TENM4: variants seen among roughly 807,000 people sequenced by gnomAD.
TENM4 encodes teneurin-4.
In TENM4, 82 loss-of-function variants were observed where a neutral mutation model predicts 243.3. The observed-to-expected ratio is 0.34, with a 90% CI of 0.28 to 0.40. The LOEUF (loss-of-function observed/expected upper bound fraction) is 0.40, where lower values mean the gene tolerates loss of function less well. Among genes scored for constraint, TENM4 ranks in the 10% least tolerant of loss-of-function variants. The pLI is 1.00. For missense variants in TENM4, 3,138 were observed against 3,673.3 expected (o/e 0.85, Z 3.77); for synonymous variants, 1,412 against 1,456.3 (o/e 0.97, Z 0.69).
intron 6 of TENM4, among the ~76,000 whole-genome samples, chr11:79,051,837 C>T (rs1859801127): frequency 6.6e-6 from 1 of 152,194 alleles, no homozygotes; most frequent in African/African-American, 2.4e-5. Flanking sequence ...GTGTTCTCAG[C>T]ATTCAGCTCC....
At chr11:79,251,979 G>C (rs1855618838) in intron 2 of TENM4, among the ~76,000 whole-genome samples, 1 of 152,120 alleles carries the variant, frequency 6.6e-6, no homozygotes, top group African/African-American at 2.4e-5. Context: ...CAAAACAAAA[G>C]AGGGCAAATC....
chr11:79,218,195 A>G (rs1864089367), intron 2 of TENM4, among the ~76,000 whole-genome samples: 1 of 151,848 alleles, frequency 6.6e-6, no homozygotes, highest in Non-Finnish European at 1.5e-5. Flanking sequence ...TTTAATTTTT[A>G]TTACCCTGCC....
intron 7 of TENM4, among the ~76,000 whole-genome samples, chr11:78,897,993 C>T (rs987822153): frequency 2.0e-5 from 3 of 152,206 alleles, no homozygotes; most frequent in Non-Finnish European, 2.9e-5. Flanking sequence ...CCAACAGGAA[C>T]CTGATGGGTT....
In TENM4 at chr11:79,139,030, T is replaced by C. The variant is rs1427547218; in HGVS notation, c.-66+9680A>G. Among the ~76,000 whole-genome samples the C allele has an allele frequency of 1.7e-3, 61 of 35,280 alleles. 9 individuals carry two copies. The highest frequency in any genetic ancestry group is 0.062 in the Middle Eastern group (2 of 32). 23.1% of individuals were successfully genotyped at this position (35,280 alleles called of 152,430 possible). A position where few individuals can be genotyped will look rare whatever the true frequency, so the allele number is the denominator to read the frequency against. ...ATATTATATTTCTATAAATATATAT[T>C]ATATTTCTATAAATATATAAAATAT... is the stretch of plus-strand genomic sequence containing the variant. On this transcript the variant is annotated intron_variant, in intron 4 of 33. Transcript: ENST00000278550.
intron 5 of TENM4, among the ~76,000 whole-genome samples, chr11:79,066,135 G>A (rs1445444915): frequency 6.6e-6 from 1 of 152,202 alleles, no homozygotes; most frequent in Non-Finnish European, 1.5e-5. Context: ...TGGCGGGTAG[G>A]AGAGACACAA....
At chr11:79,032,031 C>A (rs900005061) in intron 6 of TENM4, among the ~76,000 whole-genome samples, 1 of 152,172 alleles carries the variant, frequency 6.6e-6, no homozygotes, top group African/African-American at 2.4e-5. Context: ...TACCACTGCT[C>A]CCTTGATCCT....
intron 6 of TENM4, among the ~76,000 whole-genome samples, chr11:78,987,748 T>C (rs972418208): frequency 6.6e-6 from 1 of 152,230 alleles, no homozygotes; most frequent in African/African-American, 2.4e-5. Flanking sequence ...CCACTTTCTA[T>C]CTTGTAGGCA....
At chr11:79,327,745 AGAAATCTAAGTCCAGT>A (rs1442678871) in intron 1 of TENM4, among the ~76,000 whole-genome samples, 2 of 151,912 alleles carry the variant, frequency 1.3e-5, no homozygotes, top group African/African-American at 2.4e-5. Flanking sequence ...AGTGGCGAAA[AGAAATCTAAGTCCAGT>A]GATCTGAATC....
chr11:78,937,259 T>A (rs1382540154), intron 6 of TENM4, among the ~76,000 whole-genome samples: 1 of 152,166 alleles, frequency 6.6e-6, no homozygotes, highest in Non-Finnish European at 1.5e-5. Flanking sequence ...TGGTTTCTAG[T>A]TTGCAGGATA....
chr11:79,401,570 A>T (rs1245327757), intron 1 of TENM4, among the ~76,000 whole-genome samples: 2 of 152,234 alleles, frequency 1.3e-5, no homozygotes, highest in Non-Finnish European at 2.9e-5. Flanking sequence ...AGAAAACGTC[A>T]ATCATTATTT....
intron 3 of TENM4, among the ~76,000 whole-genome samples, chr11:79,198,606 G>A (rs988785199): frequency 1.3e-5 from 2 of 152,204 alleles, no homozygotes; most frequent in African/African-American, 2.4e-5. Context: ...GAGTTGGTGG[G>A]AATAGACCCA....
intron 12 of TENM4, among the ~76,000 whole-genome samples, chr11:78,845,170 C>T (rs1160371859): frequency 1.3e-5 from 2 of 152,182 alleles, no homozygotes; most frequent in African/African-American, 2.4e-5. Context: ...GGTTGGTTCT[C>T]CCGATTGATT....
intron 6 of TENM4, among the ~76,000 whole-genome samples, chr11:79,046,462 G>A (rs190804964): frequency 0.02 from 2,632 of 134,936 alleles, 85 homozygotes; most frequent in African/African-American, 0.096. Flanking sequence ...CCAAAAAAAC[G>A]ACAAGTTGAA....
chr11:79,006,783 T>G (rs1294731315), intron 6 of TENM4, among the ~76,000 whole-genome samples: 1 of 152,252 alleles, frequency 6.6e-6, no homozygotes. Flanking sequence ...TCTTAGAAGC[T>G]TAAAAGATGA....
chr11:79,373,225 C>T (rs1178050712), intron 1 of TENM4, among the ~76,000 whole-genome samples: 1 of 151,680 alleles, frequency 6.6e-6, no homozygotes, highest in Non-Finnish European at 1.5e-5. Context: ...TGGGTTGATG[C>T]TTGGCTGGCT....
chr11:78,998,091 A>G (rs144227190), intron 6 of TENM4, among the ~76,000 whole-genome samples: 2 of 152,304 alleles, frequency 1.3e-5, no homozygotes, highest in Non-Finnish European at 2.9e-5. Context: ...GTGAGACATA[A>G]CTGTCTGTTG....
At chr11:79,008,138 T>C (rs1858540563) in intron 6 of TENM4, among the ~76,000 whole-genome samples, 1 of 152,126 alleles carries the variant, frequency 6.6e-6, no homozygotes, top group South Asian at 2.1e-4. Flanking sequence ...TTAGAGAATG[T>C]CCCCAGGAAA....
rs1339555388 is a variant in TENM4, at chr11:79,396,161, T to C, written c.-321+44348A>G. Among the ~76,000 whole-genome samples the C allele has an allele frequency of 2.6e-5, 4 of 152,358 alleles. No individual in the cohort carries two copies. In the East Asian group the frequency reaches 5.8e-4, roughly 22 times the overall value. ...GACTCAGATGAAAGCTTGATCCTTC[T>C]GTAAGCTTTTCTTGACCAGCCTAAT... On this transcript the variant is annotated intron_variant, in intron 1 of 33. Transcript: ENST00000278550.
chr11:79,046,445 C>T (rs7928768), intron 6 of TENM4, among the ~76,000 whole-genome samples: 125,963 of 149,840 alleles, frequency 0.84, 54,707 homozygotes, highest in Non-Finnish European at 0.98. Context: ...GGGATGAACT[C>T]TCCCCCCCAA....
Sources: allele counts gnomAD v4.1 joint callset (sites outside exome capture counted in the v4.1 genomes callset), GRCh38; gene constraint gnomAD v4.1.1; transcripts MANE v1.5; gene names NCBI Gene and HGNC (gene_info 2026-07-23, HGNC 2026-07-21).